Variants in RUFY4 observed in about 807,000 individuals in gnomAD.
RUFY4 encodes RUN and FYVE domain containing 4, also known as RUN and FYVE domain-containing protein 4.
RUFY4 carries 73 observed loss-of-function variants against 69.0 expected under a neutral mutation model. The observed-to-expected ratio is 1.06, with a 90% confidence interval of 0.88 to 1.29. The LOEUF is 1.29. Ranked by LOEUF, RUFY4 falls within the 50% of genes most tolerant of loss-of-function variation. The probability of loss-of-function intolerance (pLI) is 0.00; values close to 1 mark genes in which losing one functional copy is unlikely to be tolerated. For synonymous variants in RUFY4, 287 were observed against 271.8 expected (o/e 1.06, Z -0.55); for missense variants, 770 against 705.6 (o/e 1.09, Z -1.03).
intron 2 of RUFY4, among the ~76,000 whole-genome samples, chr2:218,046,955 T>C (rs1039284689): frequency 6.6e-6 from 1 of 151,472 alleles, no homozygotes; most frequent in African/African-American, 2.4e-5. Context: ...TTTAAAACAC[T>C]TGATTAAATA....
chr2:218,068,239 G>A (rs1423624955), upstream of RUFY4, among the ~76,000 whole-genome samples: 4 of 150,760 alleles, frequency 2.7e-5, no homozygotes, highest in Admixed American at 2.0e-4. Flanking sequence ...AGGAGGGCAG[G>A]GGACTGGAGG....
chr2:218,068,160 ATGG>A (rs1689390770), upstream of RUFY4, among the ~76,000 whole-genome samples: 1 of 136,310 alleles, frequency 7.3e-6, no homozygotes, highest in Non-Finnish European at 1.6e-5. Flanking sequence ...GGACTGGAGG[ATGG>A]CAGGGGGTTA....
At chr2:218,036,683 G>A (rs568934316) in intron 2 of RUFY4, among the ~76,000 whole-genome samples, 1 of 152,354 alleles carries the variant, frequency 6.6e-6, no homozygotes, top group South Asian at 2.1e-4. Context: ...AGTGAAAGGG[G>A]TAGACATAAG....
intron 2 of RUFY4, among the ~76,000 whole-genome samples, chr2:218,042,160 A>G (rs916816263): frequency 2.0e-5 from 3 of 152,266 alleles, no homozygotes; most frequent in African/African-American, 4.8e-5. Flanking sequence ...CACTTGGGAT[A>G]TAAAGGCAAC....
chr2:218,072,872 T>C, exon 4 of RUFY4: 1 of 1,532,654 alleles, frequency 6.5e-7, no homozygotes, highest in Non-Finnish European at 8.7e-7. Flanking sequence ...CCTCCTGAAC[T>C]CAGAGCTCAC....
intron 2 of RUFY4, among the ~76,000 whole-genome samples, chr2:218,036,747 G>A (rs1958985640): frequency 6.6e-6 from 1 of 152,246 alleles, no homozygotes; most frequent in African/African-American, 2.4e-5. Flanking sequence ...GTCTTCTTCA[G>A]TGTTTTGGGG....
chr2:218,081,140 G>A (rs1431134074), intron 8 of RUFY4, among the ~76,000 whole-genome samples: 1 of 152,106 alleles, frequency 6.6e-6, no homozygotes, highest in African/African-American at 2.4e-5. Context: ...AAATACTTCA[G>A]GGGCTCCCCA....
rs137929395 is a variant in RUFY4, at chr2:218,039,862, C to G, written c.-1158+4468C>G. On this transcript the variant is annotated intron_variant and NMD_transcript_variant, in intron 2 of 13. Coordinates refer to the RUFY4 transcript ENST00000457754. ...CTAGCAGCAAAGGAGCGTTCATTTT[C>G]CCATCAAATCCCCACCAGACTACCT... Among the ~76,000 whole-genome samples the G allele has an allele frequency of 6.1e-3, 925 of 152,296 alleles. 16 individuals are homozygous for G. Among genetic ancestry groups the G allele is most frequent in the African/African-American group, 0.021 (874 of 41,534 alleles).
chr2:218,038,870 T>C (rs1959018854), intron 2 of RUFY4, among the ~76,000 whole-genome samples: 1 of 152,104 alleles, frequency 6.6e-6, no homozygotes, highest in South Asian at 2.1e-4. Context: ...AAGCAGTGTC[T>C]TTCTTTCTCT....
At chr2:218,070,396 C>T, upstream of RUFY4, 2 of 621,496 alleles carry the variant, frequency 3.2e-6, no homozygotes, top group South Asian at 1.8e-5. Flanking sequence ...TCGGTGGAGG[C>T]CACACCATCA....
intron 5 of RUFY4, 109 bp downstream of exon 7, chr2:218,073,495 C>T (rs1574510689): frequency 7.1e-7 from 1 of 1,415,742 alleles, no homozygotes; most frequent in South Asian, 1.3e-5. Flanking sequence ...TCTGTCTCTG[C>T]CTCCTTTTGC....
intron 3 of RUFY4, chr2:218,060,893 C>G: frequency 8.8e-7 from 1 of 1,138,270 alleles, no homozygotes; most frequent in Non-Finnish European, 1.3e-6. Flanking sequence ...TGCGTAGGGA[C>G]AGTAACAGGA....
At chr2:218,045,119 CT>C (rs1339063051) in intron 2 of RUFY4, among the ~76,000 whole-genome samples, 1 of 152,102 alleles carries the variant, frequency 6.6e-6, no homozygotes, top group Admixed American at 6.6e-5. Flanking sequence ...TGTTTTTTGA[CT>C]TTTTAATAGT....
At chr2:218,080,703 C>T (rs1689741446) in intron 8 of RUFY4, among the ~76,000 whole-genome samples, 1 of 152,212 alleles carries the variant, frequency 6.6e-6, no homozygotes, top group Non-Finnish European at 1.5e-5. Flanking sequence ...CCCCCAGCCC[C>T]TGCACAGCAG....
intron 2 of RUFY4, among the ~76,000 whole-genome samples, chr2:218,047,546 A>C (rs1056745012): frequency 9.2e-5 from 14 of 152,154 alleles, no homozygotes; most frequent in African/African-American, 3.4e-4. Flanking sequence ...CTCACTTTTA[A>C]AATACATTTT....
chr2:218,072,761 C>T lies in RUFY4; in HGVS notation c.280-18C>T, dbSNP rs1334652079. 2 of 1,490,228 alleles carry T rather than the reference C, an allele frequency of 1.3e-6. No individual in the cohort carries two copies. Among genetic ancestry groups the T allele is most frequent in the Non-Finnish European group, 1.8e-6 (2 of 1,122,138 alleles). 92.3% of individuals were successfully genotyped at this position (1,490,228 alleles called of 1,614,324 possible). ...TGTCCTAATACTGCTCCCCATTCTG[C>T]CCCTGTGCACTCTGCAGTTGAAGAC... On this transcript the variant is annotated intron_variant, in intron 3 of 10. Coordinates refer to ENST00000344321, the Ensembl canonical transcript of RUFY4.
rs367667842 is a variant in RUFY4 at position 218,043,363 on chromosome 2, C to T, written c.-1158+7969C>T. ...TCATCCAGTAGTCTGCAGCTCTCAA[C>T]AGAAAGGAGGCCCTGGAGAAGGTAG... is the stretch of plus-strand genomic sequence containing the variant. On this transcript the variant is annotated intron_variant and NMD_transcript_variant, in intron 2 of 13. Coordinates refer to the RUFY4 transcript ENST00000457754. Among the ~76,000 whole-genome samples the T allele has an allele frequency of 5.3e-5, 8 of 152,248 alleles. No individual in the cohort carries two copies. The East Asian group carries it at 1.5e-3, about 29-fold the overall frequency.
exon 11 of RUFY4, chr2:218,090,318 T>A: frequency 3.0e-6 from 1 of 333,970 alleles, no homozygotes; most frequent in Non-Finnish European, 6.0e-6. Flanking sequence ...TTGGGCCCCA[T>A]CCTCTCTAAA....
intron 9 of RUFY4, among the ~76,000 whole-genome samples, chr2:218,087,497 T>C (rs1020508887): frequency 2.0e-5 from 3 of 152,106 alleles, no homozygotes; most frequent in Admixed American, 6.6e-5. Flanking sequence ...CTATAGTTAG[T>C]AGATGAAGAA....
Sources: allele counts gnomAD v4.1 joint callset (sites outside exome capture counted in the v4.1 genomes callset), GRCh38; gene constraint gnomAD v4.1.1; transcripts MANE v1.5; gene names NCBI Gene and HGNC (gene_info 2026-07-23, HGNC 2026-07-21).